Variants in GABRG3 observed in about 807,000 individuals in gnomAD.
GABRG3 encodes the protein gamma-aminobutyric acid receptor subunit gamma-3.
A neutral mutation model predicts 48.8 loss-of-function variants in GABRG3; 25 were observed. The ratio of observed to expected loss-of-function variants is 0.51; its 90% CI spans 0.37 to 0.72. The LOEUF (loss-of-function observed/expected upper bound fraction) is 0.72, where lower values mean the gene tolerates loss of function less well. Ranked by LOEUF, GABRG3 falls within the 30% of genes least tolerant of loss-of-function variation. GABRG3 has a pLI of 0.00. For synonymous variants in GABRG3, 227 were observed against 217.6 expected (o/e 1.04, Z -0.38); for missense variants, 394 against 577.9 (o/e 0.68, Z 3.26).
At chr15:27,355,086 G>C (rs1894791888) in intron 5 of GABRG3, among the ~76,000 whole-genome samples, 2 of 152,156 alleles carry the variant, frequency 1.3e-5, no homozygotes, top group Non-Finnish European at 2.9e-5. Flanking sequence ...ATTGCCGGCA[G>C]CTAAAGGCCT....
At chr15:27,459,947 A>T (rs898813035) in intron 5 of GABRG3, among the ~76,000 whole-genome samples, 19 of 152,012 alleles carry the variant, frequency 1.2e-4, no homozygotes, top group Non-Finnish European at 2.4e-4. Flanking sequence ...AGAGTGAGGG[A>T]AAGGTGAGTG....
At chr15:27,167,653 A>G (rs1379558107) in intron 3 of GABRG3, among the ~76,000 whole-genome samples, 1 of 152,218 alleles carries the variant, frequency 6.6e-6, no homozygotes, top group Non-Finnish European at 1.5e-5. Context: ...GAAAGACAGC[A>G]GAGGAAACAG....
intron 5 of GABRG3, among the ~76,000 whole-genome samples, chr15:27,414,404 T>C (rs563117083): frequency 7.9e-5 from 12 of 152,210 alleles, no homozygotes; most frequent in South Asian, 2.1e-4. Context: ...AGGGGTTTCA[T>C]TGGGAGACGG....
chr15:27,012,117 CTAT>C (rs1895700397), intron 2 of GABRG3, among the ~76,000 whole-genome samples: 1 of 151,944 alleles, frequency 6.6e-6, no homozygotes, highest in South Asian at 2.1e-4. Context: ...GATGAATTCT[CTAT>C]TATTTTTCTG....
intron 3 of GABRG3, among the ~76,000 whole-genome samples, chr15:27,317,214 T>C (rs1893262485): frequency 6.6e-6 from 1 of 152,186 alleles, no homozygotes; most frequent in African/African-American, 2.4e-5. Context: ...ATGGCAACTC[T>C]GACTCCTCTA....
At chr15:27,189,145 T>G (rs1888206459) in intron 3 of GABRG3, among the ~76,000 whole-genome samples, 1 of 151,848 alleles carries the variant, frequency 6.6e-6, no homozygotes. Context: ...GTAGTATAGT[T>G]TGAAGTCAGG....
chr15:26,983,754 A>G lies in GABRG3; in HGVS notation c.202+6604A>G, dbSNP rs577118750. ...GTGCCACTGCACTCCAGCCTGGTAG[A>G]TGGTGCAAGAACCTGTCTCTAAAAG... is the stretch of plus-strand genomic sequence containing the variant. On this transcript the variant is annotated intron_variant, in intron 2 of 9. Coordinates refer to ENST00000615808, the MANE Select transcript of GABRG3 (RefSeq NM_033223.5). 5.3e-5 allele frequency among the ~76,000 whole-genome samples: 8 copies of G among 152,326 alleles called. No individual in the cohort carries two copies. In the South Asian group the frequency reaches 1.7e-3, roughly 32 times the overall value.
At chr15:27,003,853 G>C (rs1200939311) in intron 2 of GABRG3, among the ~76,000 whole-genome samples, 1 of 133,858 alleles carries the variant, frequency 7.5e-6, no homozygotes, top group Non-Finnish European at 1.6e-5. Flanking sequence ...GGCGGGGGGG[G>C]CTGACCCCCC....
chr15:27,176,260 C>G (rs1366674552), intron 3 of GABRG3, among the ~76,000 whole-genome samples: 1 of 152,214 alleles, frequency 6.6e-6, no homozygotes, highest in East Asian at 1.9e-4. Flanking sequence ...AGTTCCACCT[C>G]TTTCTAAATC....
chr15:27,449,275 C>T (rs71465234), intron 5 of GABRG3, among the ~76,000 whole-genome samples: 1 of 152,170 alleles, frequency 6.6e-6, no homozygotes, highest in African/African-American at 2.4e-5. Flanking sequence ...CAAGCCACCT[C>T]CTCCCGCATC....
intron 5 of GABRG3, among the ~76,000 whole-genome samples, chr15:27,417,735 T>A (rs76853506): frequency 0.02 from 3,121 of 152,272 alleles, 46 homozygotes; most frequent in Non-Finnish European, 0.029. Context: ...GTATTTTTCG[T>A]TTTTCCCCTT....
At chr15:27,228,854 T>C (rs1488675423) in intron 3 of GABRG3, among the ~76,000 whole-genome samples, 1 of 152,222 alleles carries the variant, frequency 6.6e-6, no homozygotes, top group African/African-American at 2.4e-5. Flanking sequence ...TTGCTGCATG[T>C]ATGTCTTCTT....
intron 5 of GABRG3, among the ~76,000 whole-genome samples, chr15:27,367,935 GTCT>G (rs1238005525): frequency 1.3e-5 from 2 of 152,090 alleles, no homozygotes; most frequent in African/African-American, 4.8e-5. Context: ...GAGTTGTAGG[GTCT>G]TCTTCTGAAA....
At chr15:27,053,988 G>C (rs181165762) in intron 3 of GABRG3, among the ~76,000 whole-genome samples, 1 of 152,196 alleles carries the variant, frequency 6.6e-6, no homozygotes. Flanking sequence ...GGGGCCGGGT[G>C]TGGCGGCTCA....
At chr15:27,009,961 T>C (rs577761507) in intron 2 of GABRG3, among the ~76,000 whole-genome samples, 1 of 152,276 alleles carries the variant, frequency 6.6e-6, no homozygotes, top group East Asian at 1.9e-4. Context: ...TTCTTCTTTT[T>C]TTTGACAGGC....
chr15:27,233,603 C>T (rs1033187696), intron 3 of GABRG3, among the ~76,000 whole-genome samples: 1 of 152,100 alleles, frequency 6.6e-6, no homozygotes, highest in African/African-American at 2.4e-5. Context: ...ACCCTCATGA[C>T]CTAATTTCCT....
At chr15:27,318,197 G>A (rs1893298525) in intron 3 of GABRG3, among the ~76,000 whole-genome samples, 1 of 152,112 alleles carries the variant, frequency 6.6e-6, no homozygotes, top group Non-Finnish European at 1.5e-5. Context: ...CTGGGAGACT[G>A]TGTGTTTAAA....
chr15:27,078,112 C>A (rs968951841), intron 3 of GABRG3, among the ~76,000 whole-genome samples: 3 of 152,114 alleles, frequency 2.0e-5, no homozygotes, highest in African/African-American at 7.2e-5. Flanking sequence ...GATAGTTGGT[C>A]AAATATTATT....
At chr15:27,320,425 A>G (rs769508294) in intron 3 of GABRG3, among the ~76,000 whole-genome samples, 4 of 152,130 alleles carry the variant, frequency 2.6e-5, no homozygotes, top group Non-Finnish European at 4.4e-5. Context: ...GGCATGAAGG[A>G]GAAACCTGGA....
Sources: allele counts gnomAD v4.1 joint callset (sites outside exome capture counted in the v4.1 genomes callset), GRCh38; gene constraint gnomAD v4.1.1; transcripts MANE v1.5; gene names NCBI Gene and HGNC (gene_info 2026-07-23, HGNC 2026-07-21).